THSD7B: variants seen among roughly 807,000 people sequenced by gnomAD.
THSD7B encodes thrombospondin type-1 domain-containing protein 7B.
A neutral mutation model predicts 213.6 loss-of-function variants in THSD7B; 138 were observed. The ratio of observed to expected loss-of-function variants is 0.65; its 90% CI spans 0.56 to 0.74. The LOEUF is 0.74. Ranked by LOEUF, THSD7B falls within the 30% of genes least tolerant of loss-of-function variation. THSD7B has a pLI of 0.00. For synonymous variants in THSD7B, 742 were observed against 687.0 expected (o/e 1.08, Z -1.25); for missense variants, 1,931 against 1,991.5 (o/e 0.97, Z 0.58).
intron 7 of THSD7B, among the ~76,000 whole-genome samples, chr2:137,222,356 T>C (rs2375454): frequency 0.6 from 90,783 of 152,028 alleles, 27,529 homozygotes; most frequent in South Asian, 0.71. Flanking sequence ...AACTATTCTG[T>C]CCATTATAAT....
At chr2:137,086,323 C>A (rs946422525) in intron 3 of THSD7B, among the ~76,000 whole-genome samples, 5 of 151,846 alleles carry the variant, frequency 3.3e-5, no homozygotes, top group Admixed American at 6.6e-5. Flanking sequence ...GGCAACAGAG[C>A]AAGACCCCAC....
intron 14 of THSD7B, among the ~76,000 whole-genome samples, chr2:137,427,629 C>A (rs556553987): frequency 1.1e-3 from 163 of 152,046 alleles, no homozygotes; most frequent in African/African-American, 3.6e-3. Context: ...TATGTATAAT[C>A]TAAAAAAGTC....
intron 12 of THSD7B, among the ~76,000 whole-genome samples, chr2:137,301,547 AAT>A (rs1324746360): frequency 6.6e-6 from 1 of 152,064 alleles, no homozygotes; most frequent in Non-Finnish European, 1.5e-5. Context: ...AGAATGCAGG[AAT>A]GAGGTGAAGA....
At chr2:137,346,342 T>C (rs1307289680) in intron 12 of THSD7B, among the ~76,000 whole-genome samples, 1 of 151,668 alleles carries the variant, frequency 6.6e-6, no homozygotes. Flanking sequence ...ATATATGTTT[T>C]ATTGCCATGG....
chr2:137,419,120 C>G (rs572780190), intron 14 of THSD7B, among the ~76,000 whole-genome samples: 8 of 151,974 alleles, frequency 5.3e-5, no homozygotes, highest in Non-Finnish European at 1.2e-4. Context: ...GTTGCCCTGG[C>G]TGGTCTTGAA....
Position 137,232,900 on chromosome 2 carries a change from T to C in THSD7B, c.1917T>C (p.Gly639=). The C allele has an allele frequency of 1.2e-6, 2 of 1,613,752 alleles. No homozygotes were observed. Among genetic ancestry groups the C allele is most frequent in the Non-Finnish European group, 1.7e-6 (2 of 1,179,726 alleles). The stretch of plus-strand genomic sequence containing the variant: ...ACCTTTTGTTCTTATTTTTGGCAGG[T>C]GGAAAGCCATGTCCCCCTAGTCAGG... ...SRTILALAGE[G]GKPCPPSQAL... The change falls in exon 9 of 28, where the codon GGT becomes GGC. Residue 639 remains glycine, a splice_region_variant and synonymous_variant. Transcript: ENST00000409968.
At chr2:137,237,307 C>A (rs143737842) in intron 9 of THSD7B, among the ~76,000 whole-genome samples, 2 of 152,056 alleles carry the variant, frequency 1.3e-5, no homozygotes, top group Non-Finnish European at 2.9e-5. Context: ...AGGCAAGGGG[C>A]CATGTATGCT....
intron 2 of THSD7B, among the ~76,000 whole-genome samples, chr2:136,978,439 T>A (rs1054970889): frequency 6.6e-6 from 1 of 152,210 alleles, no homozygotes; most frequent in Non-Finnish European, 1.5e-5. Context: ...TCTTCGTAGG[T>A]CTCCAATAAC....
chr2:137,268,078 G>T (rs1358579272), intron 10 of THSD7B, among the ~76,000 whole-genome samples: 1 of 152,122 alleles, frequency 6.6e-6, no homozygotes, highest in Non-Finnish European at 1.5e-5. Context: ...CAACCCTCAT[G>T]CTGGGTTCAA....
chr2:137,562,351 C>A (rs1054452090), intron 15 of THSD7B, among the ~76,000 whole-genome samples: 10 of 151,892 alleles, frequency 6.6e-5, no homozygotes, highest in African/African-American at 2.4e-4. Context: ...TTTTTCTTAC[C>A]TAGAAAGAGC....
chr2:137,059,728 C>T (rs1255129557), intron 3 of THSD7B, among the ~76,000 whole-genome samples: 2 of 152,154 alleles, frequency 1.3e-5, no homozygotes, highest in Non-Finnish European at 2.9e-5. Flanking sequence ...CTTTTTATCA[C>T]TGAATAATAT....
chr2:136,955,193 T>G (rs532819182), intron 2 of THSD7B, among the ~76,000 whole-genome samples: 43 of 152,298 alleles, frequency 2.8e-4, no homozygotes, highest in Admixed American at 2.2e-3. Flanking sequence ...GACAGCAATA[T>G]AATTGTGTGC....
chr2:136,926,765 T>C (rs527432239), intron 2 of THSD7B, among the ~76,000 whole-genome samples: 1 of 152,162 alleles, frequency 6.6e-6, no homozygotes, highest in South Asian at 2.1e-4. Flanking sequence ...TTTTGTCCAC[T>C]TTACTCAATA....
rs1227858434 is a variant in THSD7B at position 137,620,624 on chromosome 2, C to A, written c.3697C>A (p.Pro1233Thr). Reference protein sequence around the residue: ...DQCEQHNLEKPQRMSIPCLVE... With the variant: ...DQCEQHNLEKTQRMSIPCLVE... ...CCATTTGCAGCATAATTTGGAGAAG[C>A]CCCAGAGAATGAGCATTCCCTGCTT... Residue 1233 changes from proline (P) to threonine (T), a missense_variant, in exon 20 of 28, where the codon CCC becomes ACC. Coordinates refer to ENST00000409968, the MANE Select transcript of THSD7B (RefSeq NM_001316349.2). The A allele has an allele frequency of 1.2e-6, 2 of 1,613,524 alleles. No homozygotes were observed. The highest frequency in any genetic ancestry group is 2.2e-5 in the South Asian group (2 of 91,068).
At chr2:136,903,465 T>C (rs913878788) in intron 2 of THSD7B, among the ~76,000 whole-genome samples, 1 of 152,222 alleles carries the variant, frequency 6.6e-6, no homozygotes, top group African/African-American at 2.4e-5. Flanking sequence ...TCAGAATTTT[T>C]TTTTTAATTA....
intron 6 of THSD7B, among the ~76,000 whole-genome samples, chr2:137,161,113 G>A (rs1255526079): frequency 2.0e-5 from 3 of 152,018 alleles, no homozygotes; most frequent in East Asian, 1.9e-4. Flanking sequence ...TTGATCTTGG[G>A]CTTAAGGAAA....
chr2:137,282,242 G>A (rs1683041208), intron 12 of THSD7B, among the ~76,000 whole-genome samples: 1 of 152,018 alleles, frequency 6.6e-6, no homozygotes, highest in Non-Finnish European at 1.5e-5. Context: ...CCCACTTGTT[G>A]ATGGGGTTGT....
intron 3 of THSD7B, among the ~76,000 whole-genome samples, chr2:137,065,207 GT>G (rs749586160): frequency 6.6e-6 from 1 of 151,772 alleles, no homozygotes; most frequent in Non-Finnish European, 1.5e-5. Flanking sequence ...GTGTTTTATA[GT>G]TTTCATTGTA....
intron 15 of THSD7B, among the ~76,000 whole-genome samples, chr2:137,531,972 T>C (rs1395943763): frequency 2.0e-5 from 3 of 151,958 alleles, no homozygotes. Context: ...ATAATTAGCC[T>C]TCTACAATAT....
Sources: gnomAD v4.1 joint callset for allele counts (sites outside exome capture counted in the v4.1 genomes callset) on GRCh38, gnomAD v4.1.1 for gene constraint, MANE v1.5 for transcripts, NCBI Gene and HGNC (gene_info 2026-07-23, HGNC 2026-07-21) for gene names.